The following FANCC variants were observed in gnomAD, a reference collection of about 807,000 sequenced individuals.
FANCC encodes the protein Fanconi anemia group C protein.
In FANCC, 55 loss-of-function variants were observed where a neutral mutation model predicts 71.3. The ratio of observed to expected loss-of-function variants is 0.77; its 90% confidence interval spans 0.62 to 0.97. FANCC has a LOEUF of 0.97. Among genes scored for constraint, FANCC ranks in the 50% least tolerant of loss-of-function variants. FANCC has a pLI of 0.00. For synonymous variants in FANCC, 275 were observed against 244.9 expected, an observed-to-expected ratio of 1.12 and a Z score of -1.15; for missense variants, 678 against 670.9, an observed-to-expected ratio of 1.01 and a Z score of -0.12.
intron 7 of FANCC, among the ~76,000 whole-genome samples, chr9:95,149,271 T>C (rs774898938): frequency 2.0e-5 from 3 of 151,952 alleles, no homozygotes; most frequent in Non-Finnish European, 2.9e-5. Context: ...AAGGAAACAA[T>C]AGTCGCTGGG....
intron 4 of FANCC, among the ~76,000 whole-genome samples, chr9:95,182,352 C>T (rs1826427410): frequency 6.6e-6 from 1 of 152,114 alleles, no homozygotes; most frequent in Admixed American, 6.5e-5. Flanking sequence ...AACCCCGTCT[C>T]TACTAAAAAT....
At chr9:95,279,119 T>C (rs1833223071) in intron 1 of FANCC, among the ~76,000 whole-genome samples, 1 of 151,912 alleles carries the variant, frequency 6.6e-6, no homozygotes, top group South Asian at 2.1e-4. Context: ...CTTAAGAGAC[T>C]AGCCTGGCCA....
At chr9:95,277,041 T>G (rs112886978) in intron 1 of FANCC, among the ~76,000 whole-genome samples, 18 of 152,228 alleles carry the variant, frequency 1.2e-4, no homozygotes, top group Non-Finnish European at 1.0e-4. Context: ...TATCAAATCC[T>G]AGAAAATGCA....
At chr9:95,206,814 T>C (rs1564751942) in intron 4 of FANCC, among the ~76,000 whole-genome samples, 1 of 152,036 alleles carries the variant, frequency 6.6e-6, no homozygotes, top group Admixed American at 6.6e-5. Flanking sequence ...ACCCCTAAAC[T>C]TTTTTTTGTA....
At chr9:95,194,929 G>T (rs1827333865) in intron 4 of FANCC, among the ~76,000 whole-genome samples, 1 of 152,044 alleles carries the variant, frequency 6.6e-6, no homozygotes, top group Non-Finnish European at 1.5e-5. Context: ...GCCAGGCTTG[G>T]TGGCTCACGC....
rs565771461 is a variant in FANCC, at chr9:95,125,887, G to A, written c.896+642C>T. On this transcript the variant is annotated intron_variant, in intron 9 of 14. Coordinates refer to ENST00000289081, the MANE Select transcript of FANCC (RefSeq NM_000136.3). Reference sequence around the variant, plus strand: ...CCCAGGTGACAAGCTCCCCAGGGGCGTCCAGTCTTAGTACTCCATGGTTAG... The same window carrying A: ...CCCAGGTGACAAGCTCCCCAGGGGCATCCAGTCTTAGTACTCCATGGTTAG... Among the ~76,000 whole-genome samples, 8 of 152,258 alleles carry A rather than the reference G, an allele frequency of 5.3e-5. No individual in the cohort carries two copies. The East Asian group carries it at 5.8e-4, about 11-fold the overall frequency.
In FANCC at chr9:95,235,596, G is replaced by A. The variant is rs570717968; in HGVS notation, c.345+5053C>T. Among the ~76,000 whole-genome samples the A allele has an allele frequency of 2.0e-5, 3 of 152,232 alleles. No individual in the cohort carries two copies. The East Asian group carries it at 5.8e-4, about 29-fold the overall frequency. ...ACAGTGGCTCACGCCTGTAATCCCA[G>A]CACTTTGGGAGGCTGAGGTGGGCAG... On this transcript the variant is annotated intron_variant, in intron 4 of 14. Coordinates refer to ENST00000289081, the MANE Select transcript of FANCC (RefSeq NM_000136.3).
intron 4 of FANCC, among the ~76,000 whole-genome samples, chr9:95,226,346 G>A (rs1829613346): frequency 6.6e-6 from 1 of 152,188 alleles, no homozygotes; most frequent in African/African-American, 2.4e-5. Context: ...AATAGACAGG[G>A]GGTGAAAAGG....
At chr9:95,114,557 G>C (rs2072233874) in intron 12 of FANCC, 72 bp downstream of exon 12, 2 of 1,335,908 alleles carry the variant, frequency 1.5e-6, no homozygotes, top group Non-Finnish European at 2.2e-6. Context: ...TGTCAGCCCT[G>C]CTCAAAGGGC....
At chr9:95,111,295 AC>A in intron 13 of FANCC, 167 bp downstream of exon 13, 1 of 1,579,612 alleles carries the variant, frequency 6.3e-7, no homozygotes, top group Non-Finnish European at 8.5e-7. Context: ...AACGCCTCTG[AC>A]CACAAGGCTG....
chr9:95,174,568 G>A (rs1415984489), intron 4 of FANCC, among the ~76,000 whole-genome samples: 1 of 151,502 alleles, frequency 6.6e-6, no homozygotes, highest in Non-Finnish European at 1.5e-5. Flanking sequence ...TTCTACTTAA[G>A]TACAATTTCC....
chr9:95,117,689 G>T (rs1223694172), intron 10 of FANCC, among the ~76,000 whole-genome samples: 1 of 150,428 alleles, frequency 6.6e-6, no homozygotes, highest in Non-Finnish European at 1.5e-5. Flanking sequence ...GGAAAGACTT[G>T]CCAAAGCCGT....
chr9:95,115,776 T>G (rs2134658236), intron 11 of FANCC, among the ~76,000 whole-genome samples: 1 of 152,368 alleles, frequency 6.6e-6, no homozygotes, highest in East Asian at 1.9e-4. Context: ...CACAGCCTTT[T>G]GAAGGTATTT....
At chr9:95,201,374 T>G (rs1157707989) in intron 4 of FANCC, among the ~76,000 whole-genome samples, 2 of 152,130 alleles carry the variant, frequency 1.3e-5, no homozygotes, top group Non-Finnish European at 2.9e-5. Context: ...CACAACTTTT[T>G]AATGGAACTG....
intron 1 of FANCC, among the ~76,000 whole-genome samples, chr9:95,266,731 C>T (rs945544524): frequency 1.3e-5 from 2 of 152,190 alleles, no homozygotes; most frequent in Non-Finnish European, 1.5e-5. Flanking sequence ...ATCCCACCTG[C>T]CTAATCCCAC....
rs541703769 is a variant in FANCC at position 95,106,763 on chromosome 9, G to A, written c.1533+303C>T. 9.2e-5 allele frequency among the ~76,000 whole-genome samples: 14 copies of A among 152,348 alleles called. No homozygotes were observed. In the East Asian group the frequency reaches 2.3e-3, roughly 25 times the overall value. ...GAGGAGGAGAGCAGCACACTGCGAT[G>A]GAAAGAAATGTACGTAGGGGGACAG... On this transcript the variant is annotated intron_variant, in intron 14 of 14. Transcript: ENST00000289081.
At chr9:95,137,305 T>C (rs7854840) in intron 7 of FANCC, among the ~76,000 whole-genome samples, 5,587 of 151,876 alleles carry the variant, frequency 0.037, 306 homozygotes, top group African/African-American at 0.12. Context: ...GGGTTGACCG[T>C]GGGGCAAGAG....
At chr9:95,106,954 G>A in intron 14 of FANCC, 112 bp downstream of exon 14, 1 of 1,043,298 alleles carries the variant, frequency 9.6e-7, no homozygotes, top group Admixed American at 2.0e-5. Context: ...TATCTGTGCT[G>A]GGCAGCATCC....
intron 4 of FANCC, among the ~76,000 whole-genome samples, chr9:95,202,833 C>T (rs986370300): frequency 6.6e-6 from 1 of 152,098 alleles, no homozygotes; most frequent in Admixed American, 6.6e-5. Context: ...TGGTTAGAAA[C>T]ATCCCAAGTA....
Sources: allele counts gnomAD v4.1 joint callset (sites outside exome capture counted in the v4.1 genomes callset), GRCh38; gene constraint gnomAD v4.1.1; transcripts MANE v1.5; gene names NCBI Gene and HGNC (gene_info 2026-07-23, HGNC 2026-07-21).